Variants in DCC observed in about 807,000 individuals in gnomAD.
DCC encodes DCC netrin 1 receptor.
Under a neutral mutation model 172.5 loss-of-function variants are expected in DCC, and 58 were observed. The ratio of observed to expected loss-of-function variants is 0.34; its 90% CI spans 0.27 to 0.42. The LOEUF is 0.42. Among genes scored for constraint, DCC ranks in the 10% least tolerant of loss-of-function variants. DCC has a pLI of 1.00. For missense variants in DCC, 1,740 were observed against 1,791.0 expected, an observed-to-expected ratio of 0.97 and a Z score of 0.51; for synonymous variants, 709 against 644.5, an observed-to-expected ratio of 1.10 and a Z score of -1.52.
At chr18:53,511,695 T>TGAC (rs1384725015) in intron 27 of DCC, among the ~76,000 whole-genome samples, 2 of 152,032 alleles carry the variant, frequency 1.3e-5, no homozygotes, top group East Asian at 3.9e-4. Flanking sequence ...AAGAAAGGGG[T>TGAC]GACGGACGGC....
chr18:52,925,645 G>A (rs2298653), intron 5 of DCC, among the ~76,000 whole-genome samples: 59,869 of 151,672 alleles, frequency 0.39, 12,394 homozygotes, highest in Non-Finnish European at 0.47. Context: ...AATGGCAGAT[G>A]TGTTGAATAA....
At chr18:53,120,842 TAAAAG>T (rs2043472975) in intron 7 of DCC, among the ~76,000 whole-genome samples, 1 of 151,898 alleles carries the variant, frequency 6.6e-6, no homozygotes, top group African/African-American at 2.4e-5. Context: ...GTTAGAATGT[TAAAAG>T]AAAATCATAT....
intron 2 of DCC, among the ~76,000 whole-genome samples, chr18:52,839,259 G>T (rs1310283045): frequency 6.6e-6 from 1 of 152,134 alleles, no homozygotes; most frequent in Non-Finnish European, 1.5e-5. Flanking sequence ...TGAAGTGTTT[G>T]CACGTGTATG....
chr18:52,462,696 G>GTAT (rs954632857), intron 1 of DCC, among the ~76,000 whole-genome samples: 9 of 152,190 alleles, frequency 5.9e-5, no homozygotes, highest in Admixed American at 2.0e-4. Context: ...GTTTGTTTAT[G>GTAT]TATTATTATT....
chr18:53,530,372 A>G (rs549354413), intron 28 of DCC, 192 bp from the exon 29 acceptor site: 2 of 704,058 alleles, frequency 2.8e-6, no homozygotes, highest in South Asian at 1.5e-5. Flanking sequence ...GTGAAACAAT[A>G]TGCAATCTCT....
At chr18:52,998,863 CA>C (rs2041522940) in intron 5 of DCC, among the ~76,000 whole-genome samples, 2 of 151,776 alleles carry the variant, frequency 1.3e-5, no homozygotes, top group African/African-American at 4.8e-5. Context: ...GTCTGGAGTA[CA>C]AAACTGAATT....
chr18:52,353,260 C>G (rs562154389), intron 1 of DCC, among the ~76,000 whole-genome samples: 1 of 128,742 alleles, frequency 7.8e-6, no homozygotes, highest in East Asian at 2.5e-4. Flanking sequence ...TCTGCCTTTT[C>G]CCTTCTTTTC....
chr18:53,296,695 T>C (rs1287436331), intron 12 of DCC, among the ~76,000 whole-genome samples: 2 of 152,180 alleles, frequency 1.3e-5, no homozygotes, highest in Non-Finnish European at 2.9e-5. Flanking sequence ...TCTTTCAAAG[T>C]ACTGATGGGC....
At chr18:53,433,198 C>T (rs991471722) in intron 21 of DCC, among the ~76,000 whole-genome samples, 3 of 152,194 alleles carry the variant, frequency 2.0e-5, no homozygotes, top group East Asian at 1.9e-4. Context: ...TTGACCTATA[C>T]GGCATCTGAT....
chr18:53,351,345 ATATACACAG>A (rs1245915020), intron 15 of DCC, among the ~76,000 whole-genome samples: 3 of 85,574 alleles, frequency 3.5e-5, no homozygotes, highest in Non-Finnish European at 5.4e-5. Flanking sequence ...GTGTATATAT[ATATACACAG>A]TATATATATA....
At chr18:52,561,002 G>A (rs926918186) in intron 1 of DCC, among the ~76,000 whole-genome samples, 64 of 152,228 alleles carry the variant, frequency 4.2e-4, no homozygotes, top group Non-Finnish European at 2.2e-4. Context: ...ATATTTGGAA[G>A]CATATGGAAG....
chr18:52,635,419 T>G (rs982658955), intron 1 of DCC, among the ~76,000 whole-genome samples: 1 of 152,214 alleles, frequency 6.6e-6, no homozygotes, highest in African/African-American at 2.4e-5. Flanking sequence ...GGCATCATAT[T>G]TGAATAGTCA....
chr18:53,351,421 ACTGT>A lies in DCC; in HGVS notation c.2359+11515_2359+11518del, dbSNP rs1282284890. 1.5e-3 allele frequency among the ~76,000 whole-genome samples: 23 copies of A among 15,592 alleles called. 1 individual carries two copies. The highest frequency in any genetic ancestry group is 0.014 in the East Asian group (4 of 286). 10.2% of individuals were successfully genotyped at this position (15,592 alleles called of 152,430 possible). ...ACAGTGTATATATATATATATACAC[ACTGT>A]GTATATATATATACAGTGTATATAT... On this transcript the variant is annotated intron_variant, in intron 15 of 28. Coordinates refer to ENST00000442544, the MANE Select transcript of DCC (RefSeq NM_005215.4).
intron 5 of DCC, among the ~76,000 whole-genome samples, chr18:52,966,581 G>A (rs181846071): frequency 1.3e-5 from 2 of 152,238 alleles, no homozygotes; most frequent in Admixed American, 6.5e-5. Flanking sequence ...AAAATAGATA[G>A]GACAGTGAAA....
chr18:53,276,932 GA>G (rs1220199231), intron 12 of DCC, among the ~76,000 whole-genome samples: 3 of 151,974 alleles, frequency 2.0e-5, no homozygotes, highest in Non-Finnish European at 4.4e-5. Context: ...GAAGCCATGG[GA>G]AATAATTTAA....
intron 1 of DCC, among the ~76,000 whole-genome samples, chr18:52,522,376 G>C (rs1023987547): frequency 1.3e-5 from 2 of 152,184 alleles, no homozygotes; most frequent in Admixed American, 1.3e-4. Flanking sequence ...TTCTCTTCCA[G>C]GTGTAGTATC....
At chr18:52,395,505 G>C (rs1657386757) in intron 1 of DCC, among the ~76,000 whole-genome samples, 1 of 151,918 alleles carries the variant, frequency 6.6e-6, no homozygotes. Flanking sequence ...GAGTCCCTTG[G>C]TCCCTTCAGG....
rs572446514 is a variant in DCC at position 52,417,678 on chromosome 18, T to C, written c.91+76800T>C. On this transcript the variant is annotated intron_variant, in intron 1 of 28. Transcript: ENST00000442544. ...GTTGATTGCATCGGCTCCTGAGGCT[T>C]CTGCATTCTTCAGGTAGTTCTCGAG... Among the ~76,000 whole-genome samples, 282 of 152,356 alleles carry C rather than the reference T, an allele frequency of 1.9e-3. 1 individual carries two copies. Among genetic ancestry groups the C allele is most frequent in the African/African-American group, 6.4e-3 (266 of 41,588 alleles).
At position 53,060,826 on chromosome 18, in the gene DCC, A is replaced by G. The variant is rs1430106909; in HGVS notation, c.986-2479A>G. Among the ~76,000 whole-genome samples the G allele has an allele frequency of 3.3e-5, 5 of 152,140 alleles. No individual in the cohort carries two copies. In the East Asian group the frequency reaches 5.8e-4, roughly 18 times the overall value. ...TGTGTGAAACTGTTAGAAAACAGCA[A>G]TCACTTAAACTCAATCATTTGTTTT... On this transcript the variant is annotated intron_variant, in intron 5 of 28. Coordinates refer to ENST00000442544, the MANE Select transcript of DCC (RefSeq NM_005215.4).
Sources: allele counts gnomAD v4.1 joint callset (sites outside exome capture counted in the v4.1 genomes callset), GRCh38; gene constraint gnomAD v4.1.1; transcripts MANE v1.5; gene names NCBI Gene and HGNC (gene_info 2026-07-23, HGNC 2026-07-21).